ASB3: variants seen among roughly 807,000 people sequenced by gnomAD.
ASB3 encodes the protein ankyrin repeat and SOCS box protein 3.
A neutral mutation model predicts 54.5 loss-of-function variants in ASB3; 41 were observed. The ratio of observed to expected loss-of-function variants is 0.75; its 90% CI spans 0.59 to 0.98. The LOEUF (loss-of-function observed/expected upper bound fraction) is 0.98, where lower values mean the gene tolerates loss of function less well. Among genes scored for constraint, ASB3 ranks in the 50% least tolerant of loss-of-function variants. The probability of loss-of-function intolerance (pLI) is 0.00; values close to 1 mark genes in which losing one functional copy is unlikely to be tolerated. For synonymous variants in ASB3, 266 were observed against 221.2 expected, an observed-to-expected ratio of 1.20 and a Z score of -1.80; for missense variants, 733 against 620.0, an observed-to-expected ratio of 1.18 and a Z score of -1.94.
At chr2:53,764,081 T>C (rs1221233714) in intron 2 of ASB3, among the ~76,000 whole-genome samples, 1 of 151,802 alleles carries the variant, frequency 6.6e-6, no homozygotes, top group Admixed American at 6.6e-5. Flanking sequence ...CCAAAAACAA[T>C]GTAAAGATTA....
At chr2:53,695,598 ATC>A in intron 8 of ASB3, among the ~76,000 whole-genome samples, 1 of 152,218 alleles carries the variant, frequency 6.6e-6, no homozygotes, top group African/African-American at 2.4e-5. Flanking sequence ...TGACAAGTAA[ATC>A]TGTTTGCACA....
intron 9 of ASB3, among the ~76,000 whole-genome samples, chr2:53,692,413 A>G (rs2103724464): frequency 6.6e-6 from 1 of 152,300 alleles, no homozygotes; most frequent in East Asian, 1.9e-4. Context: ...GGCTAGAGAA[A>G]CAAACCAGAA....
At chr2:53,719,603 G>A (rs1333605260) in intron 5 of ASB3, among the ~76,000 whole-genome samples, 1 of 149,814 alleles carries the variant, frequency 6.7e-6, no homozygotes, top group Non-Finnish European at 1.5e-5. Context: ...TTCACCCAGA[G>A]ACATTCCAAC....
chr2:53,731,031 T>C (rs937406863), intron 3 of ASB3, among the ~76,000 whole-genome samples: 35 of 152,158 alleles, frequency 2.3e-4, no homozygotes, highest in Admixed American at 2.0e-4. Context: ...TAACATGCCA[T>C]TGATATTGTA....
chr2:53,683,988 G>C (rs1032665640), intron 9 of ASB3, among the ~76,000 whole-genome samples: 1 of 151,816 alleles, frequency 6.6e-6, no homozygotes, highest in Non-Finnish European at 1.5e-5. Context: ...TTTTCTTCTA[G>C]TAATTTTGCG....
intron 1 of ASB3, among the ~76,000 whole-genome samples, chr2:53,777,237 T>C (rs1398041044): frequency 6.6e-6 from 1 of 152,164 alleles, no homozygotes; most frequent in Non-Finnish European, 1.5e-5. Context: ...CCTTATCAAC[T>C]CGTCTTAATC....
intron 9 of ASB3, among the ~76,000 whole-genome samples, chr2:53,683,171 T>G (rs936851336): frequency 3.9e-5 from 6 of 152,220 alleles, no homozygotes; most frequent in African/African-American, 1.4e-4. Flanking sequence ...GGTTTTGTCA[T>G]GAAGAGATGT....
rs1670277795 is a variant in ASB3 at position 53,714,465 on chromosome 2, A to G, written c.899T>C (p.Leu300Pro). Residue 300 changes from leucine to proline, a missense_variant, in exon 7 of 10, where the codon CTC becomes CCC. Physicochemically the swap from Leu to Pro is moderately conservative, Grantham distance 98. Transcript: ENST00000263634. ...GGCGTCTGGGCTGTAGCCATTCCGG[A>G]GTAATATTTCTAGGCAATCTTCATG... ...GGHEDCLEIL[L>P]RNGYSPDAQA... is the part of the protein sequence containing the mutation. 1.9e-6 allele frequency: 3 copies of G among 1,614,252 alleles called. No homozygotes were observed. Among genetic ancestry groups the G allele is most frequent in the Non-Finnish European group, 2.5e-6 (3 of 1,180,030 alleles).
intron 3 of ASB3, among the ~76,000 whole-genome samples, chr2:53,737,062 G>A (rs1671677625): frequency 6.6e-6 from 1 of 152,140 alleles, no homozygotes; most frequent in Non-Finnish European, 1.5e-5. Context: ...ATAAGCTTCA[G>A]AATTATACTT....
chr2:53,743,742 C>G (rs1174298887), intron 3 of ASB3, among the ~76,000 whole-genome samples: 4 of 152,138 alleles, frequency 2.6e-5, no homozygotes, highest in African/African-American at 9.7e-5. Context: ...TTCATAATTG[C>G]TTACATTAAA....
At chr2:53,778,149 CAA>C (rs34356077) in intron 1 of ASB3, among the ~76,000 whole-genome samples, 5,524 of 62,452 alleles carry the variant, frequency 0.088, 81 homozygotes, top group African/African-American at 0.14. Context: ...ATTCTTGTCT[CAA>C]AAAAAAAAAA....
chr2:53,708,424 A>C (rs1302493107), intron 7 of ASB3, among the ~76,000 whole-genome samples: 1 of 152,224 alleles, frequency 6.6e-6, no homozygotes, highest in South Asian at 2.1e-4. Flanking sequence ...TAAATTACCC[A>C]GTCTCAGGTA....
chr2:53,725,004 A>C (rs1670915097), intron 5 of ASB3, among the ~76,000 whole-genome samples: 1 of 152,232 alleles, frequency 6.6e-6, no homozygotes, highest in African/African-American at 2.4e-5. Context: ...CACCATTCAC[A>C]ATAGCAAAGA....
At chr2:53,756,168 T>TA (rs1235577323) in intron 2 of ASB3, among the ~76,000 whole-genome samples, 1 of 151,992 alleles carries the variant, frequency 6.6e-6, no homozygotes, top group Non-Finnish European at 1.5e-5. Flanking sequence ...CCCATCTCTT[T>TA]AAAAAAATTT....
At chr2:53,725,862 C>T (rs1572913997) in intron 5 of ASB3, among the ~76,000 whole-genome samples, 5 of 152,038 alleles carry the variant, frequency 3.3e-5, no homozygotes, top group Admixed American at 1.3e-4. Context: ...GTAGATGTTT[C>T]ACCCACTGTC....
intron 4 of ASB3, among the ~76,000 whole-genome samples, chr2:53,729,086 A>G (rs377064584): frequency 6.6e-6 from 1 of 152,158 alleles, no homozygotes; most frequent in Non-Finnish European, 1.5e-5. Context: ...AGGAATTATA[A>G]ACCTTATAGA....
intron 9 of ASB3, among the ~76,000 whole-genome samples, chr2:53,674,078 G>A (rs1372266485): frequency 3.3e-5 from 5 of 152,136 alleles, no homozygotes; most frequent in East Asian, 1.9e-4. Context: ...ATTTCCAGAC[G>A]TGTTGCCACT....
At chr2:53,704,769 G>A (rs1052310373) in intron 7 of ASB3, among the ~76,000 whole-genome samples, 2 of 152,016 alleles carry the variant, frequency 1.3e-5, no homozygotes, top group Non-Finnish European at 2.9e-5. Flanking sequence ...ATAATGAAAG[G>A]TTTTCCTTTA....
chr2:53,729,668 C>A, intron 3 of ASB3, 98 bp from the exon 4 acceptor site: 1 of 934,328 alleles, frequency 1.1e-6, no homozygotes. Flanking sequence ...CACCTCAGAA[C>A]CACAATGCTC....
Sources: allele counts gnomAD v4.1 joint callset (sites outside exome capture counted in the v4.1 genomes callset), GRCh38; gene constraint gnomAD v4.1.1; transcripts MANE v1.5; gene names NCBI Gene and HGNC (gene_info 2026-07-23, HGNC 2026-07-21).